The following CNTNAP2 variants were observed in gnomAD, a reference collection of about 807,000 sequenced individuals.
CNTNAP2 encodes contactin associated protein 2.
CNTNAP2 carries 98 observed loss-of-function variants against 155.2 expected under a neutral mutation model. That is an observed-to-expected ratio of 0.63 (90% CI 0.54 to 0.75). CNTNAP2 has a LOEUF of 0.75. Among genes scored for constraint, CNTNAP2 ranks in the 30% least tolerant of loss-of-function variants. CNTNAP2 has a pLI of 0.00. For synonymous variants in CNTNAP2, 651 were observed against 631.2 expected (o/e 1.03, Z -0.47); for missense variants, 1,727 against 1,688.1 (o/e 1.02, Z -0.40).
chr7:147,770,713 C>A (rs189841588), intron 13 of CNTNAP2, among the ~76,000 whole-genome samples: 107 of 151,960 alleles, frequency 7.0e-4, no homozygotes, highest in African/African-American at 2.4e-3. Flanking sequence ...TATAAAAGAT[C>A]GAAATAAATA....
chr7:146,743,779 C>T (rs375399035), intron 1 of CNTNAP2, among the ~76,000 whole-genome samples: 5 of 152,190 alleles, frequency 3.3e-5, no homozygotes, highest in African/African-American at 1.2e-4. Flanking sequence ...CAGCCAAACC[C>T]TCTGTCATGG....
intron 1 of CNTNAP2, among the ~76,000 whole-genome samples, chr7:146,192,377 G>T (rs1374353877): frequency 6.6e-6 from 1 of 152,068 alleles, no homozygotes; most frequent in East Asian, 1.9e-4. Flanking sequence ...TTCTCATGCT[G>T]CTAATAAAGA....
rs532820418 is a variant in CNTNAP2 at position 146,760,409 on chromosome 7, CTTTTTTTTTTTT to C, written c.98-13840_98-13829del. On this transcript the variant is annotated intron_variant, in intron 1 of 23. Transcript: ENST00000361727. ...CACCTCTGTATCATCTCCAATTTAC[CTTTTTTTTTTTT>C]TTTTTTTTTTTTTTTTTTTTTGAGA... is the stretch of plus-strand genomic sequence containing the variant. Among the ~76,000 whole-genome samples, 305 of 56,310 alleles carry C rather than the reference CTTTTTTTTTTTT, an allele frequency of 5.4e-3. 4 individuals are homozygous for C. The highest frequency in any genetic ancestry group is 7.2e-3 in the Admixed American group (27 of 3,740). The allele number at this position is 56,310 out of a possible 152,430, so 36.9% of individuals were successfully genotyped here. A position where few individuals can be genotyped will look rare whatever the true frequency, so the allele number is the denominator to read the frequency against.
intron 13 of CNTNAP2, among the ~76,000 whole-genome samples, chr7:147,826,761 T>G (rs1235662007): frequency 2.6e-5 from 4 of 152,134 alleles, no homozygotes; most frequent in African/African-American, 9.7e-5. Context: ...AAAAAATATG[T>G]GTAAAAAATG....
chr7:146,562,015 C>G (rs1483807213), intron 1 of CNTNAP2, among the ~76,000 whole-genome samples: 1 of 152,058 alleles, frequency 6.6e-6, no homozygotes, highest in African/African-American at 2.4e-5. Flanking sequence ...GTCTCAAATT[C>G]CTGGGCTCAA....
intron 8 of CNTNAP2, among the ~76,000 whole-genome samples, chr7:147,222,652 C>A (rs778455066): frequency 6.6e-6 from 1 of 151,950 alleles, no homozygotes; most frequent in African/African-American, 2.4e-5. Flanking sequence ...TATAGCCAGA[C>A]ACAATGTACT....
chr7:147,120,940 C>T (rs1266507016), intron 5 of CNTNAP2, 39 bp from the exon 6 acceptor site: 3 of 1,594,346 alleles, frequency 1.9e-6, no homozygotes. Context: ...TTGGCCATAG[C>T]ATCATTGCAT....
At chr7:146,737,946 A>T (rs1438507134) in intron 1 of CNTNAP2, among the ~76,000 whole-genome samples, 1 of 152,096 alleles carries the variant, frequency 6.6e-6, no homozygotes, top group African/African-American at 2.4e-5. Context: ...CTGATTCAAT[A>T]TCTTAGCTAT....
At chr7:147,523,936 A>T (rs563760309) in intron 11 of CNTNAP2, among the ~76,000 whole-genome samples, 1 of 152,332 alleles carries the variant, frequency 6.6e-6, no homozygotes, top group East Asian at 1.9e-4. Flanking sequence ...TTAAGCACGG[A>T]GGTCAAACAG....
At chr7:146,858,900 GC>G (rs1470351792) in intron 3 of CNTNAP2, among the ~76,000 whole-genome samples, 5 of 152,024 alleles carry the variant, frequency 3.3e-5, no homozygotes, top group Admixed American at 3.3e-4. Context: ...CAGCATAAAT[GC>G]CTTTCTTTCA....
chr7:147,230,996 T>C (rs141606684), intron 8 of CNTNAP2, among the ~76,000 whole-genome samples: 1 of 152,246 alleles, frequency 6.6e-6, no homozygotes, highest in East Asian at 1.9e-4. Context: ...AAACTTACAA[T>C]CATGGTAGAA....
At chr7:148,153,167 T>G (rs1463567126) in intron 17 of CNTNAP2, among the ~76,000 whole-genome samples, 1 of 151,806 alleles carries the variant, frequency 6.6e-6, no homozygotes, top group Non-Finnish European at 1.5e-5. Flanking sequence ...GCTAGACTTT[T>G]CTTGCTGTGT....
chr7:146,492,575 C>G (rs761127662), intron 1 of CNTNAP2, among the ~76,000 whole-genome samples: 3 of 152,122 alleles, frequency 2.0e-5, no homozygotes, highest in Non-Finnish European at 4.4e-5. Context: ...GCAACTTGTA[C>G]GCAACTCTAA....
rs1055455603 is a variant in CNTNAP2 at position 146,274,825 on chromosome 7, C to T, written c.97+157852C>T. On this transcript the variant is annotated intron_variant, in intron 1 of 23. Transcript: ENST00000361727. The stretch of plus-strand genomic sequence containing the variant: ...TCTCTATAACAGTTAACCTACATTT[C>T]GAGCAAAGAGTGGGCTTTTGTTCCT... Among the ~76,000 whole-genome samples the T allele has an allele frequency of 3.3e-5, 5 of 152,130 alleles. No homozygotes were observed. The South Asian group carries it at 8.3e-4, about 25-fold the overall frequency.
intron 3 of CNTNAP2, among the ~76,000 whole-genome samples, chr7:146,971,984 C>T (rs895137094): frequency 1.3e-5 from 2 of 152,084 alleles, no homozygotes; most frequent in Non-Finnish European, 2.9e-5. Flanking sequence ...GTGCATTTTC[C>T]CATATATGCT....
rs1052843223 is a variant in CNTNAP2, at chr7:147,967,390, C to G, written c.2256-10472C>G. Among the ~76,000 whole-genome samples the G allele has an allele frequency of 2.0e-5, 3 of 152,272 alleles. No homozygotes were observed. The East Asian group carries it at 5.8e-4, about 29-fold the overall frequency. On this transcript the variant is annotated intron_variant, in intron 14 of 23. Coordinates refer to ENST00000361727, the MANE Select transcript of CNTNAP2 (RefSeq NM_014141.6). ...GGAGATTTGATCTGTTTTTTTCTAG[C>G]TCAGCTATTAACTGGTTGAATACCT... is the stretch of plus-strand genomic sequence containing the variant.
chr7:147,229,115 A>G (rs1803620812), intron 8 of CNTNAP2, among the ~76,000 whole-genome samples: 2 of 152,118 alleles, frequency 1.3e-5, no homozygotes, highest in African/African-American at 4.8e-5. Flanking sequence ...ACCTGGGAAA[A>G]CCATTACACT....
rs547303918 is a variant in CNTNAP2 at position 147,741,709 on chromosome 7, TAAAGCTACCCCCTCA to T, written c.2098+102407_2098+102421del. On this transcript the variant is annotated intron_variant, in intron 13 of 23. Transcript: ENST00000361727. ...TTGAAATAACCCTGGAGTATAACAG[TAAAGCTACCCCCTCA>T]AAAAAGTTTTTTGTTATTAGAATTC... 2.2e-3 allele frequency among the ~76,000 whole-genome samples: 329 copies of T among 152,204 alleles called. 3 individuals carry two copies. Among genetic ancestry groups the T allele is most frequent in the African/African-American group, 7.5e-3 (312 of 41,568 alleles).
In CNTNAP2 at chr7:147,744,375, GT is replaced by G. The variant is rs758014510; in HGVS notation, c.2098+105071del. ...CAATTGACCTGGCCATAAACCATCT[GT>G]TGGTTGATAAAGACACACATCCTAA... On this transcript the variant is annotated intron_variant, in intron 13 of 23. Coordinates refer to ENST00000361727, the MANE Select transcript of CNTNAP2 (RefSeq NM_014141.6). Among the ~76,000 whole-genome samples the G allele has an allele frequency of 2.0e-5, 3 of 152,250 alleles. No individual in the cohort carries two copies. In the East Asian group the frequency reaches 5.8e-4, roughly 29 times the overall value.
Sources: gnomAD v4.1 joint callset for allele counts (sites outside exome capture counted in the v4.1 genomes callset) on GRCh38, gnomAD v4.1.1 for gene constraint, MANE v1.5 for transcripts, NCBI Gene and HGNC (gene_info 2026-07-23, HGNC 2026-07-21) for gene names.